Variants in STK3 observed in about 807,000 individuals in gnomAD.
The protein encoded by STK3 is serine/threonine kinase 3.
In STK3, 41 loss-of-function variants were observed where a neutral mutation model predicts 58.0. The ratio of observed to expected loss-of-function variants is 0.71; its 90% CI spans 0.55 to 0.92. The LOEUF is 0.92. Ranked by LOEUF, STK3 falls within the 40% of genes least tolerant of loss-of-function variation. The pLI is 0.00. For synonymous variants in STK3, 170 were observed against 191.0 expected (o/e 0.89, Z 0.91); for missense variants, 479 against 602.7 (o/e 0.79, Z 2.15).
chr8:98,407,943 G>T (rs1216116328), intron 3 of STK3, among the ~76,000 whole-genome samples: 1 of 152,218 alleles, frequency 6.6e-6, no homozygotes, highest in Non-Finnish European at 1.5e-5. Context: ...CTAGCGTTGT[G>T]CTGGCACCTG....
At chr8:98,523,750 T>C (rs1034861917) in intron 10 of STK3, among the ~76,000 whole-genome samples, 1 of 152,120 alleles carries the variant, frequency 6.6e-6, no homozygotes, top group African/African-American at 2.4e-5. Context: ...CATTATACAT[T>C]ATGAATATTA....
intron 4 of STK3, among the ~76,000 whole-genome samples, chr8:98,721,936 A>T (rs963108272): frequency 6.6e-6 from 1 of 152,090 alleles, no homozygotes; most frequent in African/African-American, 2.4e-5. Flanking sequence ...ATTTTTTTTT[A>T]AATCTCTAAC....
chr8:98,488,824 C>T (rs533196655), intron 10 of STK3, among the ~76,000 whole-genome samples: 1 of 152,182 alleles, frequency 6.6e-6, no homozygotes, highest in Non-Finnish European at 1.5e-5. Context: ...ATCGTTTTAG[C>T]CAGGCATACA....
chr8:98,459,278 C>G (rs1370744547), intron 10 of STK3, among the ~76,000 whole-genome samples: 1 of 152,170 alleles, frequency 6.6e-6, no homozygotes, highest in Non-Finnish European at 1.5e-5. Context: ...AAACTTTGAA[C>G]TTGAAAGAGA....
chr8:98,359,812 T>C, the STK3 span, among the ~76,000 whole-genome samples: 1 of 152,170 alleles, frequency 6.6e-6, no homozygotes, highest in South Asian at 2.1e-4. Flanking sequence ...GAGGCTCATC[T>C]CTTGCCACTT....
At chr8:98,483,894 C>T (rs940702132) in intron 10 of STK3, among the ~76,000 whole-genome samples, 2 of 152,092 alleles carry the variant, frequency 1.3e-5, no homozygotes, top group Non-Finnish European at 2.9e-5. Context: ...TTAAATTATA[C>T]AACAGAACAC....
intron 1 of STK3, among the ~76,000 whole-genome samples, chr8:98,787,440 A>T (rs1198897295): frequency 6.6e-6 from 1 of 152,072 alleles, no homozygotes; most frequent in Non-Finnish European, 1.5e-5. Context: ...GATTATGTTA[A>T]ACGACCAAAC....
downstream of STK3, among the ~76,000 whole-genome samples, chr8:98,368,524 C>T (rs1365859069): frequency 6.6e-6 from 1 of 152,218 alleles, no homozygotes; most frequent in African/African-American, 2.4e-5. Context: ...CCCACACAAA[C>T]CCCTAACACA....
chr8:98,832,439 G>T (rs1484987581), intron 3 of STK3, among the ~76,000 whole-genome samples: 2 of 152,056 alleles, frequency 1.3e-5, no homozygotes, highest in Admixed American at 6.6e-5. Context: ...GAGGCATCCT[G>T]TGTGCATCCT....
At chr8:98,695,263 T>C (rs1824786870) in intron 6 of STK3, among the ~76,000 whole-genome samples, 1 of 152,186 alleles carries the variant, frequency 6.6e-6, no homozygotes, top group Non-Finnish European at 1.5e-5. Context: ...GTCAGATGAG[T>C]AGATTGCAAA....
At chr8:98,864,080 T>C (rs1002471723) in intron 3 of STK3, among the ~76,000 whole-genome samples, 1 of 151,024 alleles carries the variant, frequency 6.6e-6, no homozygotes, top group Non-Finnish European at 1.5e-5. Context: ...GTGCCTGTAG[T>C]CCCAGCTACT....
intron 6 of STK3, among the ~76,000 whole-genome samples, chr8:98,671,337 T>C (rs1189232377): frequency 6.6e-6 from 1 of 152,062 alleles, no homozygotes; most frequent in Admixed American, 6.5e-5. Flanking sequence ...CCCATTTCCA[T>C]GGTAAGGAAC....
At chr8:98,474,105 CA>C (rs1821126489) in intron 10 of STK3, among the ~76,000 whole-genome samples, 1 of 152,166 alleles carries the variant, frequency 6.6e-6, no homozygotes, top group Non-Finnish European at 1.5e-5. Flanking sequence ...CTACCATATT[CA>C]AATGTTGCCA....
intron 1 of STK3, chr8:98,438,048 C>G (rs138353960): frequency 1.3e-5 from 2 of 152,394 alleles, no homozygotes; most frequent in East Asian, 3.9e-4. Flanking sequence ...ACACTGGGAA[C>G]CGGGGAGCCA....
chr8:98,859,408 A>G (rs374256212), intron 3 of STK3, among the ~76,000 whole-genome samples: 5 of 152,218 alleles, frequency 3.3e-5, no homozygotes, highest in African/African-American at 1.2e-4. Flanking sequence ...GCCTATATAT[A>G]AGTTAACAAG....
intron 10 of STK3, among the ~76,000 whole-genome samples, chr8:98,464,540 T>TAAAAAAAAAAA: frequency 1.7e-3 from 120 of 69,192 alleles, no homozygotes; most frequent in African/African-American, 2.2e-3. Context: ...TACTTAAAGT[T>TAAAAAAAAAAA]AAAAAAAAAA....
intron 1 of STK3, among the ~76,000 whole-genome samples, chr8:98,912,681 C>A (rs564254140): frequency 2.3e-4 from 35 of 152,264 alleles, no homozygotes; most frequent in African/African-American, 8.2e-4. Flanking sequence ...TATGCCCAAA[C>A]ACCAGAGGTA....
chr8:98,496,547 C>A (rs1161199985), intron 10 of STK3, among the ~76,000 whole-genome samples: 3 of 152,114 alleles, frequency 2.0e-5, no homozygotes, highest in Non-Finnish European at 2.9e-5. Flanking sequence ...CAGCTGACTT[C>A]TTTGCAGAAA....
At chr8:98,767,026 C>G (rs1830990710) in intron 3 of STK3, among the ~76,000 whole-genome samples, 1 of 152,096 alleles carries the variant, frequency 6.6e-6, no homozygotes, top group South Asian at 2.1e-4. Flanking sequence ...GGGGCTGAGG[C>G]AGGAGAATCG....
Sources: allele counts gnomAD v4.1 joint callset (sites outside exome capture counted in the v4.1 genomes callset), GRCh38; gene constraint gnomAD v4.1.1; transcripts MANE v1.5; gene names NCBI Gene and HGNC (gene_info 2026-07-23, HGNC 2026-07-21).